Variants in PTPN12 observed in about 807,000 individuals in gnomAD.
PTPN12 encodes tyrosine-protein phosphatase non-receptor type 12.
A neutral mutation model predicts 97.6 loss-of-function variants in PTPN12; 29 were observed. That is an observed-to-expected ratio of 0.30 (90% CI 0.22 to 0.41). PTPN12 has a LOEUF of 0.41. Among genes scored for constraint, PTPN12 ranks in the 10% least tolerant of loss-of-function variants. The pLI, the probability that PTPN12 is intolerant of heterozygous loss-of-function variation, is 1.00. For missense variants in PTPN12, 819 were observed against 926.0 expected (o/e 0.88, Z 1.50); for synonymous variants, 327 against 300.4 (o/e 1.09, Z -0.91).
chr7:77,605,417 T>G lies in PTPN12; in HGVS notation c.696-1818T>G, dbSNP rs1246316739. Among the ~76,000 whole-genome samples the G allele has an allele frequency of 1.8e-4, 23 of 124,970 alleles. 3 individuals are homozygous for G. Among genetic ancestry groups the G allele is most frequent in the Admixed American group, 3.3e-4 (4 of 12,278 alleles). The allele number at this position is 124,970 out of a possible 152,430, so 82.0% of individuals were successfully genotyped here. A position where few individuals can be genotyped will look rare whatever the true frequency, so the allele number is the denominator to read the frequency against. On this transcript the variant is annotated intron_variant, in intron 8 of 17. Coordinates refer to ENST00000248594, the MANE Select transcript of PTPN12 (RefSeq NM_002835.4). ...AAATACTTTTGTCATGAGTTTTTTT[T>G]TTTTTTTTTTTTTTTTTTTTGAGAC...
At chr7:77,595,326 G>T (rs1584162704) in intron 6 of PTPN12, among the ~76,000 whole-genome samples, 1 of 152,138 alleles carries the variant, frequency 6.6e-6, no homozygotes, top group Non-Finnish European at 1.5e-5. Flanking sequence ...AAAAATATTC[G>T]TAGTAAGTCA....
At position 77,639,902 on chromosome 7, in the gene PTPN12, T is replaced by A. The variant is rs1372381718; in HGVS notation, c.*622T>A. ...ATTGTTCATCCTAATTGTTCCTGTTTTCATCTAGTCAGAGATTCAGTAAGT... is the reference window on the plus strand; with the variant it reads ...ATTGTTCATCCTAATTGTTCCTGTTATCATCTAGTCAGAGATTCAGTAAGT... On this transcript the variant is annotated 3_prime_UTR_variant, in exon 18 of 18. Coordinates refer to ENST00000248594, the MANE Select transcript of PTPN12 (RefSeq NM_002835.4). The A allele has an allele frequency of 6.6e-6, 1 of 152,670 alleles. No individual in the cohort carries two copies. Among genetic ancestry groups the A allele is most frequent in the Non-Finnish European group, 1.5e-5 (1 of 68,050 alleles). The allele number at this position is 152,670 out of a possible 1,614,324, so 9.5% of individuals were successfully genotyped here.
intron 1 of PTPN12, among the ~76,000 whole-genome samples, chr7:77,556,049 G>GTGTT (rs56329736): frequency 0.019 from 2,832 of 151,692 alleles, 35 homozygotes; most frequent in Middle Eastern, 0.072. Context: ...TAATCATAGG[G>GTGTT]TGTTTGTTTG....
At chr7:77,610,908 T>G in intron 10 of PTPN12, 40 bp from the exon 11 acceptor site, 1 of 1,583,122 alleles carries the variant, frequency 6.3e-7, no homozygotes, top group Non-Finnish European at 8.6e-7. Context: ...TTTAAAATGT[T>G]GTTTTCATTT....
chr7:77,580,887 G>T (rs1266125511), intron 2 of PTPN12, among the ~76,000 whole-genome samples: 1 of 152,112 alleles, frequency 6.6e-6, no homozygotes, highest in East Asian at 1.9e-4. Flanking sequence ...CAGCCACTTG[G>T]TATGTTTGTT....
intron 7 of PTPN12, among the ~76,000 whole-genome samples, chr7:77,598,744 AAATGT>A (rs1788098575): frequency 6.6e-6 from 1 of 151,754 alleles, no homozygotes; most frequent in Non-Finnish European, 1.5e-5. Context: ...ACTACTACCT[AAATGT>A]TTTATTTGGT....
intron 6 of PTPN12, among the ~76,000 whole-genome samples, chr7:77,596,988 G>T (rs577622893): frequency 6.6e-6 from 1 of 152,072 alleles, no homozygotes; most frequent in East Asian, 1.9e-4. Flanking sequence ...GTATCATACA[G>T]AATAGTGTCA....
intron 1 of PTPN12, chr7:77,538,786 G>T (rs996303846): frequency 3.3e-5 from 5 of 152,034 alleles, no homozygotes; most frequent in African/African-American, 4.8e-5. Context: ...GGCTTAGGAG[G>T]CGGTGGTTGC....
At chr7:77,636,626 A>G (rs941353408) in intron 15 of PTPN12, 1 of 171,788 alleles carries the variant, frequency 5.8e-6, no homozygotes, top group Non-Finnish European at 1.2e-5. Context: ...TTTTATTAAC[A>G]TTAATACTTT....
In PTPN12 at chr7:77,537,492, CCGGG is replaced by C. The variant is rs1156530550; in HGVS notation, c.-43_-40del. 2.1e-5 allele frequency: 28 copies of C among 1,345,024 alleles called. No individual in the cohort carries two copies. The highest frequency in any genetic ancestry group is 7.3e-5 in the East Asian group (2 of 27,578). 83.3% of individuals were successfully genotyped at this position (1,345,024 alleles called of 1,614,324 possible). ...TGGGGAAGACGGAGCGGGCTCTGTG[CCGGG>C]CGGGCGGGCGGCGGGGGGGCCAGCG... On this transcript the variant is annotated 5_prime_UTR_variant, in exon 1 of 18. Transcript: ENST00000248594.
intron 12 of PTPN12, among the ~76,000 whole-genome samples, chr7:77,625,468 GCTCGCTCTCTCTCTCT>G (rs1195448412): frequency 8.1e-5 from 2 of 24,752 alleles, no homozygotes; most frequent in African/African-American, 2.5e-4. Flanking sequence ...TGCCCAGGCT[GCTCGCTCTCTCTCTCT>G]CTCTCTCTCT....
At chr7:77,636,705 A>G (rs1015860512) in intron 15 of PTPN12, 2 of 202,116 alleles carry the variant, frequency 9.9e-6, no homozygotes, top group East Asian at 1.1e-4. Context: ...TTAAGACATG[A>G]TGTAGTTTAA....
intron 2 of PTPN12, among the ~76,000 whole-genome samples, chr7:77,580,518 T>A (rs984013651): frequency 2.0e-5 from 3 of 152,180 alleles, no homozygotes; most frequent in African/African-American, 7.2e-5. Context: ...AAAGTAACTT[T>A]AATATAGTAT....
chr7:77,627,744 T>C, intron 13 of PTPN12, 69 bp downstream of exon 13: 2 of 1,388,960 alleles, frequency 1.4e-6, no homozygotes, highest in East Asian at 2.5e-5. Flanking sequence ...GCACTTTAGC[T>C]GTATTGATTT....
At chr7:77,603,017 C>T (rs906164317) in intron 8 of PTPN12, among the ~76,000 whole-genome samples, 37 of 152,176 alleles carry the variant, frequency 2.4e-4, no homozygotes, top group African/African-American at 8.2e-4. Context: ...TCATAATTAA[C>T]GAAGTAAAAG....
At chr7:77,617,609 G>A (rs1052632213) in intron 11 of PTPN12, among the ~76,000 whole-genome samples, 12 of 152,156 alleles carry the variant, frequency 7.9e-5, no homozygotes, top group African/African-American at 2.7e-4. Flanking sequence ...GATAGTATGT[G>A]TAACGATGGC....
At chr7:77,564,001 C>CT (rs1479401863) in intron 1 of PTPN12, 1 of 391,880 alleles carries the variant, frequency 2.6e-6, no homozygotes, top group Admixed American at 3.1e-5. Context: ...CCTCAGCCTC[C>CT]TGAGTAGCTG....
chr7:77,581,107 C>T (rs1430765104), intron 2 of PTPN12, among the ~76,000 whole-genome samples: 1 of 152,122 alleles, frequency 6.6e-6, no homozygotes, highest in East Asian at 1.9e-4. Flanking sequence ...AATCTTCACT[C>T]TGTCGCCCAG....
chr7:77,605,476 A>G (rs1416511250), intron 8 of PTPN12, among the ~76,000 whole-genome samples: 5 of 127,998 alleles, frequency 3.9e-5, no homozygotes, highest in East Asian at 5.0e-4. Flanking sequence ...CTGGAGTGCA[A>G]TGGCGTGATC....
Sources: allele counts gnomAD v4.1 joint callset (sites outside exome capture counted in the v4.1 genomes callset), GRCh38; gene constraint gnomAD v4.1.1; transcripts MANE v1.5; gene names NCBI Gene and HGNC (gene_info 2026-07-23, HGNC 2026-07-21).